Variants in UGT1A8 observed in about 807,000 individuals in gnomAD.
UGT1A8 encodes the protein UDP-glucuronosyltransferase 1A8.
Under a neutral mutation model 45.3 loss-of-function variants are expected in UGT1A8, and 39 were observed. The ratio of observed to expected loss-of-function variants is 0.86; its 90% CI spans 0.67 to 1.12. The LOEUF is 1.12. Among genes scored for constraint, UGT1A8 ranks in the 50% most tolerant of loss-of-function variants. The probability of loss-of-function intolerance (pLI) is 0.00; values close to 1 mark genes in which losing one functional copy is unlikely to be tolerated. For missense variants in UGT1A8, 719 were observed against 664.9 expected (o/e 1.08, Z -0.90); for synonymous variants, 275 against 249.2 (o/e 1.10, Z -0.97).
chr2:233,647,166 C>A (rs898176260), intron 1 of UGT1A8, among the ~76,000 whole-genome samples: 1 of 152,190 alleles, frequency 6.6e-6, no homozygotes, highest in South Asian at 2.1e-4. Context: ...GGGAAACGCC[C>A]AGCCCCATGA....
At chr2:233,714,382 T>C (rs1323098990) in intron 1 of UGT1A8, among the ~76,000 whole-genome samples, 2 of 152,130 alleles carry the variant, frequency 1.3e-5, no homozygotes, top group Non-Finnish European at 2.9e-5. Context: ...TTCAGTGGAA[T>C]TGGGCCAATG....
intron 1 of UGT1A8, among the ~76,000 whole-genome samples, chr2:233,705,561 T>C (rs974874080): frequency 6.6e-6 from 1 of 152,156 alleles, no homozygotes; most frequent in African/African-American, 2.4e-5. Flanking sequence ...ATATTGCTTG[T>C]GGCAAGGGAT....
intron 1 of UGT1A8, chr2:233,713,950 C>A (rs1250435794): frequency 3.7e-6 from 6 of 1,608,844 alleles, no homozygotes; most frequent in Admixed American, 1.7e-5. Context: ...ATCTACTTAT[C>A]TTTCCAAAGA....
chr2:233,729,468 G>A lies in UGT1A8; in HGVS notation c.856-37566G>A, dbSNP rs28898619. ...TTCTGAAGAAATTTTTCAGAAGTAT[G>A]GCAATGTTGAACAATATGTCTTTGG... On this transcript the variant is annotated intron_variant, in intron 1 of 4. Coordinates refer to ENST00000373450, the MANE Select transcript of UGT1A8 (RefSeq NM_019076.5). 1.9e-3 allele frequency: 3,095 copies of A among 1,614,142 alleles called. 65 individuals are homozygous for A. The African/African-American group carries it at 0.037, about 19-fold the overall frequency.
rs1333399571 is a variant in UGT1A8 at position 233,769,871 on chromosome 2, A to AT, written c.1295+1432_1295+1433insT. 8.6e-6 allele frequency: 4 copies of AT among 463,518 alleles called. No individual in the cohort carries two copies. Among genetic ancestry groups the AT allele is most frequent in the Non-Finnish European group, 1.5e-5 (4 of 275,572 alleles). The allele number at this position is 463,518 out of a possible 1,614,324, so 28.7% of individuals were successfully genotyped here. A position where few individuals can be genotyped will look rare whatever the true frequency, so the allele number is the denominator to read the frequency against. Reference sequence around the variant, plus strand: ...AGACCCTGTCTCAAAAAAAAAAAAAAAAATGAAAAGTCCACATAACCTGAG... The same window carrying AT: ...AGACCCTGTCTCAAAAAAAAAAAAAATAAATGAAAAGTCCACATAACCTGAG... On this transcript the variant is annotated intron_variant, in intron 4 of 4. Transcript: ENST00000373450. The surrounding 1 kb of genome is among the most constrained non-coding windows in gnomAD (Gnocchi z 4.4).
chr2:233,666,279 C>G (rs2074074439), intron 1 of UGT1A8, among the ~76,000 whole-genome samples: 1 of 152,226 alleles, frequency 6.6e-6, no homozygotes. Flanking sequence ...CAAACACCTC[C>G]TGCTAAGCCC....
intron 1 of UGT1A8, among the ~76,000 whole-genome samples, chr2:233,705,148 AAG>A (rs939982250): frequency 6.6e-5 from 10 of 150,986 alleles, no homozygotes; most frequent in African/African-American, 4.9e-5. Context: ...AAAAAAAAAA[AAG>A]AGAGAGAGAG....
At chr2:233,713,299 C>G (rs1373926847) in intron 1 of UGT1A8, 1 of 1,614,114 alleles carries the variant, frequency 6.2e-7, no homozygotes, top group East Asian at 2.2e-5. Flanking sequence ...TTCTTTGAAA[C>G]AGAACATCTT....
At chr2:233,651,482 G>T (rs1454572522) in intron 1 of UGT1A8, among the ~76,000 whole-genome samples, 1 of 152,140 alleles carries the variant, frequency 6.6e-6, no homozygotes, top group Non-Finnish European at 1.5e-5. Flanking sequence ...AGGTTTTATA[G>T]AAGTGGAAAG....
chr2:233,634,593 A>G (rs562506548), intron 1 of UGT1A8, among the ~76,000 whole-genome samples: 60 of 152,130 alleles, frequency 3.9e-4, no homozygotes, highest in Non-Finnish European at 6.6e-4. Flanking sequence ...CTGTTGATTT[A>G]AAGTCTGTTT....
intron 1 of UGT1A8, chr2:233,690,896 T>A: frequency 1.9e-6 from 2 of 1,035,856 alleles, no homozygotes; most frequent in Non-Finnish European, 2.3e-6. Context: ...AGGGATGGTA[T>A]GCATAGTGAT....
chr2:233,681,883 A>G lies in UGT1A8; in HGVS notation c.855+63321A>G, dbSNP rs574890114. 133 of 1,555,696 alleles carry G rather than the reference A, an allele frequency of 8.5e-5. No homozygotes were observed. The African/African-American group carries it at 1.4e-3, about 16-fold the overall frequency. On this transcript the variant is annotated intron_variant, in intron 1 of 4. Transcript: ENST00000373450. ...GGTTCTATCTGTACTTCTTCCACTT[A>G]CTATATTATAGGAGCTTAGAATCCC...
intron 1 of UGT1A8, among the ~76,000 whole-genome samples, chr2:233,766,371 C>T (rs997095711): frequency 1.3e-5 from 2 of 152,154 alleles, no homozygotes; most frequent in Non-Finnish European, 2.9e-5. Context: ...TTGGTGAGTT[C>T]TTCTCAATGT....
At chr2:233,751,385 T>C (rs1694712496) in intron 1 of UGT1A8, among the ~76,000 whole-genome samples, 1 of 152,160 alleles carries the variant, frequency 6.6e-6, no homozygotes, top group African/African-American at 2.4e-5. Flanking sequence ...TTGCCTTGTC[T>C]CAGATAAGAC....
intron 1 of UGT1A8, chr2:233,671,872 T>C: frequency 6.6e-7 from 1 of 1,522,794 alleles, no homozygotes; most frequent in Non-Finnish European, 8.8e-7. Flanking sequence ...CTGGTATTTC[T>C]CCCACCTACT....
chr2:233,743,524 C>G (rs751668012), intron 1 of UGT1A8: 19 of 1,367,170 alleles, frequency 1.4e-5, no homozygotes, highest in Non-Finnish European at 1.8e-5. Flanking sequence ...GCTTCTGCTT[C>G]CCCAGCAGTT....
chr2:233,669,597 A>G (rs905840974), intron 1 of UGT1A8, among the ~76,000 whole-genome samples: 2 of 152,160 alleles, frequency 1.3e-5, no homozygotes, highest in African/African-American at 4.8e-5. Flanking sequence ...GTTCATTGCT[A>G]GTACATTTGA....
At position 233,769,465 on chromosome 2, in the gene UGT1A8, G is replaced by C. The variant is rs34036745; in HGVS notation, c.1295+1026G>C. On this transcript the variant is annotated intron_variant, in intron 4 of 4. Coordinates refer to ENST00000373450, the MANE Select transcript of UGT1A8 (RefSeq NM_019076.5). This position sits in a 1 kb window ranked among gnomAD's most constrained non-coding sequence, Gnocchi z 4.4. The stretch of plus-strand genomic sequence containing the variant: ...GGTGCACACGTGTGCATTCATATGC[G>C]TGTGTGTGTGTGTGCGTGTGTTTAT... The C allele has an allele frequency of 4.2e-4, 555 of 1,316,536 alleles. 2 individuals are homozygous for C. The African/African-American group carries it at 7.4e-3, about 18-fold the overall frequency. 81.6% of individuals were successfully genotyped at this position (1,316,536 alleles called of 1,614,324 possible). A position where few individuals can be genotyped will look rare whatever the true frequency, so the allele number is the denominator to read the frequency against.
chr2:233,719,660 C>G, intron 1 of UGT1A8: 1 of 1,614,116 alleles, frequency 6.2e-7, no homozygotes, highest in Non-Finnish European at 8.5e-7. Flanking sequence ...GGGGCATCAA[C>G]TGTGCCAACG....
Sources: gnomAD v4.1 joint callset for allele counts (sites outside exome capture counted in the v4.1 genomes callset) on GRCh38, gnomAD v4.1.1 for gene constraint, Gnocchi (gnomAD v3.1) non-coding constraint, MANE v1.5 for transcripts, NCBI Gene and HGNC (gene_info 2026-07-23, HGNC 2026-07-21) for gene names.